Variants in ADAM18 observed in about 807,000 individuals in gnomAD.
ADAM18 encodes ADAM metallopeptidase domain 18.
ADAM18 carries 117 observed loss-of-function variants against 94.4 expected under a neutral mutation model. The observed-to-expected ratio is 1.24, with a 90% CI of 1.07 to 1.45. The LOEUF (loss-of-function observed/expected upper bound fraction) is 1.45, where lower values mean the gene tolerates loss of function less well. Among genes scored for constraint, ADAM18 ranks in the 40% most tolerant of loss-of-function variants. The pLI, the probability that ADAM18 is intolerant of heterozygous loss-of-function variation, is 0.00. For missense variants in ADAM18, 936 were observed against 880.0 expected, an observed-to-expected ratio of 1.06 and a Z score of -0.81; for synonymous variants, 327 against 291.6, an observed-to-expected ratio of 1.12 and a Z score of -1.24.
chr8:39,595,875 T>C (rs560997839), intron 2 of ADAM18, among the ~76,000 whole-genome samples: 2 of 152,300 alleles, frequency 1.3e-5, no homozygotes, highest in Non-Finnish European at 1.5e-5. Flanking sequence ...TGCCTTCTTG[T>C]TTCCATTTCT....
chr8:39,719,599 C>T (rs924033703), intron 18 of ADAM18, among the ~76,000 whole-genome samples: 5 of 151,200 alleles, frequency 3.3e-5, no homozygotes, highest in Non-Finnish European at 5.9e-5. Flanking sequence ...TATAGTGAAT[C>T]CTTGAAACTT....
Position 39,648,394 on chromosome 8 carries a change from G to T in ADAM18, c.1097G>T (p.Arg366Ile). 1 of 1,612,896 alleles carries T rather than the reference G, an allele frequency of 6.2e-7. No individual in the cohort carries two copies. Among genetic ancestry groups the T allele is most frequent in the Non-Finnish European group, 8.5e-7 (1 of 1,179,546 alleles). Residue 366 changes from arginine (R) to isoleucine (I), a missense_variant, in exon 12 of 20, where the codon AGA (arginine) becomes ATA (isoleucine). Coordinates refer to ENST00000265707, the MANE Select transcript of ADAM18 (RefSeq NM_014237.3). ...IFSNCSMHDY[R>I]YFVSKFETKC... is the part of the protein sequence containing the mutation. Reference sequence around the variant, plus strand: ...AGCAACTGCAGCATGCACGACTATAGATATTTTGTTTCAAAATTTGAGACT... The same window carrying T: ...AGCAACTGCAGCATGCACGACTATATATATTTTGTTTCAAAATTTGAGACT...
At chr8:39,606,595 G>T (rs998347600) in intron 3 of ADAM18, among the ~76,000 whole-genome samples, 1 of 152,006 alleles carries the variant, frequency 6.6e-6, no homozygotes. Flanking sequence ...CTACATACTT[G>T]TAAAATCTCA....
intron 13 of ADAM18, among the ~76,000 whole-genome samples, chr8:39,666,647 A>G: frequency 6.6e-6 from 1 of 152,198 alleles, no homozygotes; most frequent in East Asian, 1.9e-4. Flanking sequence ...CACATCTCAC[A>G]TGGCGGCAGA....
At chr8:39,709,473 C>T (rs189400785) in intron 18 of ADAM18, among the ~76,000 whole-genome samples, 1 of 152,294 alleles carries the variant, frequency 6.6e-6, no homozygotes, top group Admixed American at 6.5e-5. Context: ...TATTAGTTCT[C>T]ACTTTGGGCT....
chr8:39,673,470 A>C (rs1585966935), intron 14 of ADAM18, among the ~76,000 whole-genome samples: 2 of 149,396 alleles, frequency 1.3e-5, no homozygotes, highest in Admixed American at 1.3e-4. Context: ...CTCTCCCCAC[A>C]CCCCACCCCC....
At chr8:39,704,759 C>T (rs1010496944) in intron 17 of ADAM18, among the ~76,000 whole-genome samples, 9 of 152,060 alleles carry the variant, frequency 5.9e-5, no homozygotes, top group South Asian at 2.1e-4. Flanking sequence ...AAACCTCTAA[C>T]ATTTGTGGTT....
chr8:39,703,029 GTTAAT>G (rs1361164302), intron 17 of ADAM18, among the ~76,000 whole-genome samples: 9 of 152,184 alleles, frequency 5.9e-5, no homozygotes, highest in Non-Finnish European at 1.3e-4. Flanking sequence ...GCAAGTCAAT[GTTAAT>G]TTAACGGGAA....
At chr8:39,599,334 A>G (rs1818835903) in intron 2 of ADAM18, among the ~76,000 whole-genome samples, 1 of 152,178 alleles carries the variant, frequency 6.6e-6, no homozygotes, top group South Asian at 2.1e-4. Context: ...GTTGAATAAG[A>G]TTTGCTAATA....
intron 12 of ADAM18, among the ~76,000 whole-genome samples, chr8:39,654,815 A>G (rs1384727391): frequency 6.6e-6 from 1 of 152,054 alleles, no homozygotes; most frequent in African/African-American, 2.4e-5. Flanking sequence ...TTTTCTTCAT[A>G]TATCTGTTGT....
intron 16 of ADAM18, among the ~76,000 whole-genome samples, chr8:39,686,514 G>A (rs765244423): frequency 2.6e-5 from 4 of 152,074 alleles, no homozygotes; most frequent in Non-Finnish European, 4.4e-5. Flanking sequence ...TGACCTAATC[G>A]CCTTCTACGG....
At position 39,680,019 on chromosome 8, in the gene ADAM18, T is replaced by C; in HGVS notation, c.1632-18T>C. ...TAAGAGATAAACTGATAAGGAACTT[T>C]TTGCTTTCCACTTCCAGGGATGTTC... On this transcript the variant is annotated intron_variant, in intron 15 of 19. Coordinates refer to ENST00000265707, the MANE Select transcript of ADAM18 (RefSeq NM_014237.3). The C allele has an allele frequency of 1.2e-6, 2 of 1,612,308 alleles. No homozygotes were observed. The highest frequency in any genetic ancestry group is 1.1e-5 in the South Asian group (1 of 90,962).
chr8:39,702,001 C>T (rs1249747690), intron 17 of ADAM18, among the ~76,000 whole-genome samples: 3 of 152,096 alleles, frequency 2.0e-5, no homozygotes, highest in Admixed American at 6.5e-5. Context: ...TGGGTATATA[C>T]CCAGAAATAG....
Position 39,644,247 on chromosome 8 carries a change from T to C in ADAM18, c.910-1091T>C, listed in dbSNP as rs564735955. Among the ~76,000 whole-genome samples the C allele has an allele frequency of 3.3e-5, 5 of 152,264 alleles. No individual in the cohort carries two copies. The East Asian group carries it at 7.7e-4, about 23-fold the overall frequency. The stretch of plus-strand genomic sequence containing the variant: ...TATGAAAAACACTTTGAGTCCACAC[T>C]GTTAGCAAGCATTTTTTAATATCTT... On this transcript the variant is annotated intron_variant, in intron 10 of 19. Transcript: ENST00000265707.
chr8:39,613,016 C>T (rs569151580), intron 6 of ADAM18, among the ~76,000 whole-genome samples: 24 of 152,276 alleles, frequency 1.6e-4, no homozygotes, highest in South Asian at 1.0e-3. Context: ...GAGCTACCAC[C>T]GCTAGAACAC....
chr8:39,606,859 C>T (rs1172826922), intron 3 of ADAM18, among the ~76,000 whole-genome samples: 1 of 152,078 alleles, frequency 6.6e-6, no homozygotes, highest in Non-Finnish European at 1.5e-5. Flanking sequence ...GGGGGTTGTT[C>T]TCTGGCGGGC....
chr8:39,684,486 G>T (rs1435728680), intron 16 of ADAM18, among the ~76,000 whole-genome samples: 3 of 152,166 alleles, frequency 2.0e-5, no homozygotes, highest in Admixed American at 6.5e-5. Flanking sequence ...GCTCTGGGCA[G>T]CCCAATCTCA....
At chr8:39,597,612 C>G (rs968626979) in intron 2 of ADAM18, among the ~76,000 whole-genome samples, 1 of 152,062 alleles carries the variant, frequency 6.6e-6, no homozygotes, top group Non-Finnish European at 1.5e-5. Context: ...TTTCTGTGCT[C>G]TTTTTTCTGT....
chr8:39,723,062 G>A (rs560029368), intron 18 of ADAM18, among the ~76,000 whole-genome samples: 3 of 151,600 alleles, frequency 2.0e-5, no homozygotes, highest in African/African-American at 4.8e-5. Context: ...TTTGAGACCT[G>A]GAGAGTGGGT....
Sources: allele counts gnomAD v4.1 joint callset (sites outside exome capture counted in the v4.1 genomes callset), GRCh38; gene constraint gnomAD v4.1.1; transcripts MANE v1.5; gene names NCBI Gene and HGNC (gene_info 2026-07-23, HGNC 2026-07-21).